Variants in PDE4D observed in about 807,000 individuals in gnomAD.
The protein encoded by PDE4D is 3',5'-cyclic-AMP phosphodiesterase 4D.
In PDE4D, 24 loss-of-function variants were observed where a neutral mutation model predicts 87.4. That is an observed-to-expected ratio of 0.27 (90% CI 0.20 to 0.39). The LOEUF is 0.39. Ranked by LOEUF, PDE4D falls within the 10% of genes least tolerant of loss-of-function variation. The pLI, the probability that PDE4D is intolerant of heterozygous loss-of-function variation, is 1.00. For synonymous variants in PDE4D, 384 were observed against 383.2 expected, an observed-to-expected ratio of 1.00 and a Z score of -0.02; for missense variants, 714 against 1,041.0, an observed-to-expected ratio of 0.69 and a Z score of 4.32.
intron 5 of PDE4D, among the ~76,000 whole-genome samples, chr5:59,102,749 A>G (rs1770973884): frequency 6.6e-6 from 1 of 152,188 alleles, no homozygotes; most frequent in South Asian, 2.1e-4. Context: ...GACCCACCCC[A>G]GAAGTACTGA....
At chr5:59,234,735 TAAAA>T (rs1755998133) in intron 1 of PDE4D, among the ~76,000 whole-genome samples, 1 of 152,036 alleles carries the variant, frequency 6.6e-6, no homozygotes, top group Non-Finnish European at 1.5e-5. Context: ...TCAGATAGCC[TAAAA>T]AAAGGATAGA....
At chr5:60,496,059 C>T (rs1368170833) in intron 1 of PDE4D, among the ~76,000 whole-genome samples, 1 of 152,128 alleles carries the variant, frequency 6.6e-6, no homozygotes, top group Non-Finnish European at 1.5e-5. Flanking sequence ...GGCTGTTGTG[C>T]TCCTGTGAGT....
intron 1 of PDE4D, among the ~76,000 whole-genome samples, chr5:59,432,412 A>G (rs1458524758): frequency 6.6e-6 from 1 of 152,058 alleles, no homozygotes; most frequent in Non-Finnish European, 1.5e-5. Context: ...ATAATTTTGG[A>G]CTCATATAAA....
At chr5:59,804,781 T>A (rs560331226) in intron 1 of PDE4D, among the ~76,000 whole-genome samples, 1 of 152,200 alleles carries the variant, frequency 6.6e-6, no homozygotes, top group African/African-American at 2.4e-5. Flanking sequence ...ATAGCGTTGT[T>A]TCTTTTTCTA....
chr5:59,817,728 G>A (rs774524511), intron 1 of PDE4D, among the ~76,000 whole-genome samples: 8 of 150,540 alleles, frequency 5.3e-5, no homozygotes, highest in African/African-American at 1.9e-4. Context: ...ACGCGCGCGC[G>A]CGCACACACC....
chr5:60,191,127 C>T (rs1002406957), intron 1 of PDE4D, among the ~76,000 whole-genome samples: 4 of 152,302 alleles, frequency 2.6e-5, no homozygotes, highest in Admixed American at 1.3e-4. Flanking sequence ...TCCCCTACTG[C>T]GCCAAGTCAC....
intron 1 of PDE4D, among the ~76,000 whole-genome samples, chr5:59,506,606 C>T (rs1809310985): frequency 6.6e-6 from 1 of 151,768 alleles, no homozygotes; most frequent in African/African-American, 2.4e-5. Context: ...ATATTTTATA[C>T]AATAATTTCC....
intron 1 of PDE4D, among the ~76,000 whole-genome samples, chr5:59,541,550 T>A (rs980069107): frequency 6.6e-6 from 1 of 152,224 alleles, no homozygotes; most frequent in African/African-American, 2.4e-5. Context: ...CAGTTTATAA[T>A]ATGGGAAGGA....
chr5:59,837,286 A>G (rs1292612323), intron 1 of PDE4D, among the ~76,000 whole-genome samples: 1 of 152,040 alleles, frequency 6.6e-6, no homozygotes, highest in Non-Finnish European at 1.5e-5. Flanking sequence ...CCCCCTGTCC[A>G]GTGTCTAGCC....
chr5:59,064,272 A>G (rs1763561955), intron 5 of PDE4D, among the ~76,000 whole-genome samples: 1 of 152,068 alleles, frequency 6.6e-6, no homozygotes, highest in Non-Finnish European at 1.5e-5. Flanking sequence ...TTGCTAAAAT[A>G]CACTGGAAAT....
intron 5 of PDE4D, chr5:59,174,311 T>C (rs1394806789): frequency 9.3e-5 from 9 of 97,198 alleles, no homozygotes; most frequent in African/African-American, 3.0e-4. Flanking sequence ...GCCATGAATC[T>C]TCAGGGTAAA....
intron 1 of PDE4D, among the ~76,000 whole-genome samples, chr5:59,762,733 T>C (rs1408912752): frequency 6.8e-6 from 1 of 147,006 alleles, no homozygotes; most frequent in Non-Finnish European, 1.5e-5. Flanking sequence ...TATAGGTATA[T>C]ATAATATATG....
At chr5:59,900,138 C>T (rs1752082604) in intron 3 of PDE4D, among the ~76,000 whole-genome samples, 1 of 151,666 alleles carries the variant, frequency 6.6e-6, no homozygotes, top group South Asian at 2.1e-4. Context: ...CTCTCTGGAG[C>T]CTGAGGCAGG....
intron 1 of PDE4D, among the ~76,000 whole-genome samples, chr5:59,290,487 G>A (rs1767804955): frequency 6.6e-6 from 1 of 152,032 alleles, no homozygotes; most frequent in Non-Finnish European, 1.5e-5. Context: ...AGAAAACATT[G>A]AAGAAAGTCT....
At chr5:59,246,515 T>C (rs1489291239) in intron 1 of PDE4D, among the ~76,000 whole-genome samples, 2 of 152,148 alleles carry the variant, frequency 1.3e-5, no homozygotes, top group Non-Finnish European at 2.9e-5. Context: ...AATAGCAGTG[T>C]CATTGCTCTA....
chr5:59,570,116 C>T (rs1229351556), intron 1 of PDE4D, among the ~76,000 whole-genome samples: 3 of 152,190 alleles, frequency 2.0e-5, no homozygotes, highest in Admixed American at 6.5e-5. Flanking sequence ...TCAGGGCCCT[C>T]CTGTGATGAC....
chr5:60,297,506 G>A (rs566751911), intron 1 of PDE4D, among the ~76,000 whole-genome samples: 1 of 152,224 alleles, frequency 6.6e-6, no homozygotes, highest in Admixed American at 6.5e-5. Context: ...GTATGTTATG[G>A]TTACCAAACA....
chr5:60,411,954 C>A (rs1742080241), intron 1 of PDE4D, among the ~76,000 whole-genome samples: 1 of 152,070 alleles, frequency 6.6e-6, no homozygotes, highest in Non-Finnish European at 1.5e-5. Context: ...ATTCCCCATG[C>A]CAAATTATAT....
intron 5 of PDE4D, among the ~76,000 whole-genome samples, chr5:59,161,194 A>G (rs769046039): frequency 2.0e-5 from 3 of 151,204 alleles, no homozygotes; most frequent in Non-Finnish European, 2.9e-5. Context: ...GTATTTTGCC[A>G]AAGTTAAGGA....
Sources: gnomAD v4.1 joint callset for allele counts (sites outside exome capture counted in the v4.1 genomes callset) on GRCh38, gnomAD v4.1.1 for gene constraint, MANE v1.5 for transcripts, NCBI Gene and HGNC (gene_info 2026-07-23, HGNC 2026-07-21) for gene names.